Variants in STK3 observed in about 807,000 individuals in gnomAD.
STK3 encodes the protein serine/threonine kinase 3, also known as serine/threonine-protein kinase 3.
Under a neutral mutation model 58.0 loss-of-function variants are expected in STK3, and 41 were observed. That is an observed-to-expected ratio of 0.71 (90% confidence interval 0.55 to 0.92). The LOEUF is 0.92. STK3 is among the 40% of genes least tolerant of loss of function. STK3 has a pLI of 0.00. For missense variants in STK3, 479 were observed against 602.7 expected (o/e 0.79, Z 2.15); for synonymous variants, 170 against 191.0 (o/e 0.89, Z 0.91).
chr8:98,345,177 G>T, the STK3 span, among the ~76,000 whole-genome samples: 16 of 151,932 alleles, frequency 1.1e-4, no homozygotes, highest in Admixed American at 1.0e-3. Context: ...AGCCTGAAGT[G>T]GTTTGAGATC....
chr8:98,774,865 C>A (rs530360609), intron 1 of STK3, 46 bp from the exon 2 acceptor site: 44 of 1,380,482 alleles, frequency 3.2e-5, no homozygotes, highest in South Asian at 1.5e-5. Flanking sequence ...CTTTAAAGAC[C>A]TTTTACAAAA....
At chr8:98,879,394 C>T (rs1289384323), downstream of STK3, 1 of 152,166 alleles carries the variant, frequency 6.6e-6, no homozygotes, top group Non-Finnish European at 1.5e-5. Flanking sequence ...ACGGTTGTTA[C>T]TCTTTCACTT....
intron 1 of STK3, among the ~76,000 whole-genome samples, chr8:98,799,897 T>C (rs2442010): frequency 0.73 from 110,574 of 152,124 alleles, 40,809 homozygotes; most frequent in African/African-American, 0.86. Context: ...TCTCCAAAAC[T>C]GCCGAGGCCT....
intron 3 of STK3, among the ~76,000 whole-genome samples, chr8:98,414,126 T>G (rs1286058503): frequency 2.0e-5 from 3 of 152,044 alleles, no homozygotes; most frequent in Non-Finnish European, 4.4e-5. Flanking sequence ...TAGCCAGGCA[T>G]AGTGGTGCAT....
At chr8:98,639,179 AGCTCACT>A (rs1819836148) in intron 6 of STK3, among the ~76,000 whole-genome samples, 1 of 150,942 alleles carries the variant, frequency 6.6e-6, no homozygotes, top group Non-Finnish European at 1.5e-5. Context: ...GCATGATCAC[AGCTCACT>A]GCAGTCTCAA....
rs534141991 is a variant in STK3 at position 98,721,091 on chromosome 8, T to C, written c.352-13780A>G. Reference sequence around the variant, plus strand: ...ACACTCACCTGGCCAATAATTTTTTTGATTCCTTTCACCCTGAGTACATTA... The same window carrying C: ...ACACTCACCTGGCCAATAATTTTTTCGATTCCTTTCACCCTGAGTACATTA... On this transcript the variant is annotated intron_variant, in intron 4 of 10. Coordinates refer to ENST00000419617, the MANE Select transcript of STK3 (RefSeq NM_006281.4). The C allele has an allele frequency of 6.0e-5, 59 of 985,362 alleles. 1 individual carries two copies. In the South Asian group the frequency reaches 2.1e-3, roughly 35 times the overall value. 61.0% of individuals were successfully genotyped at this position (985,362 alleles called of 1,614,324 possible).
chr8:98,542,822 G>A (rs1284515467), intron 9 of STK3, among the ~76,000 whole-genome samples: 1 of 152,150 alleles, frequency 6.6e-6, no homozygotes. Flanking sequence ...ACACAACAGA[G>A]AGACAAATAT....
chr8:98,832,443 G>T (rs935967816), intron 3 of STK3, among the ~76,000 whole-genome samples: 2 of 152,036 alleles, frequency 1.3e-5, no homozygotes, highest in Non-Finnish European at 2.9e-5. Context: ...CATCCTGTGT[G>T]CATCCTCTGT....
At chr8:98,821,216 T>C (rs920360187) in intron 1 of STK3, among the ~76,000 whole-genome samples, 3 of 152,086 alleles carry the variant, frequency 2.0e-5, no homozygotes, top group Admixed American at 6.5e-5. Context: ...TAGATTCTCA[T>C]AGGAGTGCGA....
At chr8:98,651,372 T>C (rs1021577907) in intron 6 of STK3, 1 of 151,990 alleles carries the variant, frequency 6.6e-6, no homozygotes, top group African/African-American at 2.4e-5. Context: ...CAAAAGTAGA[T>C]AAAACCACAA....
At chr8:98,675,789 G>A (rs965669062) in intron 6 of STK3, among the ~76,000 whole-genome samples, 6 of 151,982 alleles carry the variant, frequency 3.9e-5, no homozygotes, top group African/African-American at 1.2e-4. Flanking sequence ...GTGTGAACCC[G>A]GGAGGCGGAG....
intron 1 of STK3, among the ~76,000 whole-genome samples, chr8:98,912,980 C>T (rs1367191719): frequency 6.6e-6 from 1 of 152,058 alleles, no homozygotes; most frequent in Non-Finnish European, 1.5e-5. Context: ...ATGATCTTGC[C>T]TCATGCAGCC....
chr8:98,601,121 G>T (rs1321119420), intron 6 of STK3, among the ~76,000 whole-genome samples: 1 of 151,998 alleles, frequency 6.6e-6, no homozygotes, highest in Non-Finnish European at 1.5e-5. Flanking sequence ...AAGGTGGATT[G>T]CTTGAGCCCA....
chr8:98,470,410 TTG>T (rs1820831827), intron 10 of STK3, among the ~76,000 whole-genome samples: 1 of 152,230 alleles, frequency 6.6e-6, no homozygotes, highest in South Asian at 2.1e-4. Context: ...ATTACCCCAG[TTG>T]TGAGAGACAG....
At chr8:98,810,255 T>A (rs1022743585) in intron 1 of STK3, among the ~76,000 whole-genome samples, 1 of 152,054 alleles carries the variant, frequency 6.6e-6, no homozygotes, top group Admixed American at 6.6e-5. Context: ...GGGATACAGA[T>A]CCAAAGCATA....
At chr8:98,435,622 A>G (rs1408223970) in intron 2 of STK3, among the ~76,000 whole-genome samples, 1 of 152,078 alleles carries the variant, frequency 6.6e-6, no homozygotes, top group African/African-American at 2.4e-5. Flanking sequence ...GCAGGACTCC[A>G]TCAGTGACTG....
chr8:98,647,790 A>C (rs1820518575), intron 6 of STK3, among the ~76,000 whole-genome samples: 1 of 152,222 alleles, frequency 6.6e-6, no homozygotes, highest in African/African-American at 2.4e-5. Context: ...TGTAGGCATG[A>C]GCCATTGCAC....
intron 2 of STK3, chr8:98,436,912 C>T (rs1818512616): frequency 6.6e-6 from 1 of 152,362 alleles, no homozygotes; most frequent in African/African-American, 2.4e-5. Flanking sequence ...CCACACTTTC[C>T]TCGGTATCTT....
intron 1 of STK3, among the ~76,000 whole-genome samples, chr8:98,911,004 CA>C (rs1839109805): frequency 6.6e-6 from 1 of 152,140 alleles, no homozygotes; most frequent in African/African-American, 2.4e-5. Flanking sequence ...CCATATATAG[CA>C]AGGCAACAGG....
Sources: gnomAD v4.1 joint callset for allele counts (sites outside exome capture counted in the v4.1 genomes callset) on GRCh38, gnomAD v4.1.1 for gene constraint, MANE v1.5 for transcripts, NCBI Gene and HGNC (gene_info 2026-07-23, HGNC 2026-07-21) for gene names.